Variants in TRAPPC4 observed in about 807,000 individuals in gnomAD.
TRAPPC4 encodes TRS23 homolog.
TRAPPC4 carries 30 observed loss-of-function variants against 23.5 expected under a neutral mutation model. The ratio of observed to expected loss-of-function variants is 1.28; its 90% CI spans 0.96 to 1.73. The LOEUF (loss-of-function observed/expected upper bound fraction) is 1.73, where lower values mean the gene tolerates loss of function less well. Ranked by LOEUF, TRAPPC4 falls within the 40% of genes most tolerant of loss-of-function variation. The pLI is 0.00. For synonymous variants in TRAPPC4, 129 were observed against 105.3 expected (o/e 1.23, Z -1.38); for missense variants, 252 against 268.9 (o/e 0.94, Z 0.44).
chr11:119,023,468 G>A lies in TRAPPC4; in HGVS notation c.*69G>A. 39 of 1,476,946 alleles carry A rather than the reference G, an allele frequency of 2.6e-5. No homozygotes were observed. In the Middle Eastern group the frequency reaches 5.2e-4, roughly 20 times the overall value. The allele number at this position is 1,476,946 out of a possible 1,614,324, so 91.5% of individuals were successfully genotyped here. ...CAAGAATACTGCTGTTGACACTCCA[G>A]TGGAAATCCCAGCAGCCTTGTTAGT... On this transcript the variant is annotated 3_prime_UTR_variant, in exon 5 of 5. Transcript: ENST00000533632.
At position 119,018,816 on chromosome 11, in the gene TRAPPC4, T is replaced by C. The variant is rs941058848; in HGVS notation, c.21T>C (p.Tyr7=). The change falls in exon 1 of 5, where the codon TAT becomes TAC. Residue 7 remains tyrosine, a synonymous_variant. Coordinates refer to ENST00000533632, the MANE Select transcript of TRAPPC4 (RefSeq NM_016146.6). MAIFSV[Y]VVNKAGGLIY... ...CAGCGATGGCGATTTTTAGTGTGTA[T>C]GTGGTGAACAAAGCTGGCGGCTTGA... is the stretch of plus-strand genomic sequence containing the variant. The C allele has an allele frequency of 3.1e-6, 5 of 1,614,016 alleles. No individual in the cohort carries two copies. The highest frequency in any genetic ancestry group is 2.2e-5 in the East Asian group (1 of 44,900).
intron 3 of TRAPPC4, chr11:119,020,822 C>T (rs1943338298): frequency 6.6e-6 from 1 of 152,160 alleles, no homozygotes; most frequent in East Asian, 1.9e-4. Context: ...TCTCCTGCCT[C>T]AGCCTCCCAA....
chr11:119,019,771 C>T (rs927063777), intron 2 of TRAPPC4: 4 of 200,066 alleles, frequency 2.0e-5, no homozygotes, highest in African/African-American at 9.4e-5. Context: ...GTCAACTTCT[C>T]TTCTCTGAGC....
At chr11:119,019,400 C>T in intron 2 of TRAPPC4, 83 bp downstream of exon 2, 2 of 1,423,314 alleles carry the variant, frequency 1.4e-6, no homozygotes, top group African/African-American at 1.4e-5. Context: ...ATGAAAAACG[C>T]AACCGATCCA....
intron 3 of TRAPPC4, 195 bp downstream of exon 3, chr11:119,020,448 T>G: frequency 3.9e-6 from 2 of 508,166 alleles, no homozygotes; most frequent in Non-Finnish European, 7.2e-6. Context: ...TTTGAAATGT[T>G]TCACTCTTGT....
In TRAPPC4 at chr11:119,020,063, T is replaced by C. The variant is rs150525926; in HGVS notation, c.351-87T>C. 67 of 877,640 alleles carry C rather than the reference T, an allele frequency of 7.6e-5. No homozygotes were observed. In the Middle Eastern group the frequency reaches 1.5e-3, roughly 19 times the overall value. 54.4% of individuals were successfully genotyped at this position (877,640 alleles called of 1,614,324 possible). On this transcript the variant is annotated intron_variant, in intron 2 of 4. Transcript: ENST00000533632. ...TTCTCCTGACTGTCCCAGGCTGTAA[T>C]GTGAACTCCTCAGCAAATAGGGACA...
intron 2 of TRAPPC4, chr11:119,019,746 G>A (rs1943289663): frequency 5.1e-6 from 1 of 194,272 alleles, no homozygotes; most frequent in Admixed American, 5.5e-5. Flanking sequence ...CGGCCGAGGT[G>A]TCATCTTACT....
intron 4 of TRAPPC4, among the ~76,000 whole-genome samples, chr11:119,022,627 C>T (rs1178972608): frequency 1.3e-5 from 2 of 151,812 alleles, no homozygotes; most frequent in Non-Finnish European, 2.9e-5. Flanking sequence ...CAGTGGCTCA[C>T]GCCTGTAATC....
rs1172797803 is a variant in TRAPPC4, at chr11:119,023,674, ATC to A, written c.*277_*278del. ...TATTCCTTTGATCTTGGTGTTTGCA[ATC>A]TGTCTTAATCGATGGTTTTGGGGGA... On this transcript the variant is annotated 3_prime_UTR_variant, in exon 5 of 5. Transcript: ENST00000533632. 7.5e-6 allele frequency: 2 copies of A among 267,272 alleles called. No individual in the cohort carries two copies. The highest frequency in any genetic ancestry group is 1.4e-5 in the Non-Finnish European group (2 of 141,030). 16.6% of individuals were successfully genotyped at this position (267,272 alleles called of 1,614,324 possible). A position where few individuals can be genotyped will look rare whatever the true frequency, so the allele number is the denominator to read the frequency against.
chr11:119,020,178 C>G lies in TRAPPC4; in HGVS notation c.379C>G (p.Pro127Ala), dbSNP rs1385742674. The part of the protein sequence containing the change: ...SLFAIGSQLS[P>A]EQGSSGIEML... ...CTTTGCCATCGGCTCCCAGCTGTCT[C>G]CTGAACAGGGAAGCTCAGGCATTGA... is the stretch of plus-strand genomic sequence containing the variant. The change falls in exon 3 of 5, where the codon CCT becomes GCT. Residue 127 changes from proline (P) to alanine (A), a missense_variant. This residue lies in a region of TRAPPC4 where 222 missense variants were observed against 217.8 expected (regional missense o/e 1.02). Coordinates refer to ENST00000533632, the MANE Select transcript of TRAPPC4 (RefSeq NM_016146.6). 1.2e-6 allele frequency: 2 copies of G among 1,613,830 alleles called. No homozygotes were observed. Among genetic ancestry groups the G allele is most frequent in the African/African-American group, 1.3e-5 (1 of 74,904 alleles).
chr11:119,019,059 GA>G, intron 1 of TRAPPC4, 83 bp from the exon 2 acceptor site: 1 of 1,589,400 alleles, frequency 6.3e-7, no homozygotes, highest in Non-Finnish European at 8.6e-7. Context: ...GGGGTTGGGG[GA>G]AAAGGGGTTG....
chr11:119,021,625 T>G, intron 3 of TRAPPC4, 135 bp from the exon 4 acceptor site: 2 of 942,922 alleles, frequency 2.1e-6, no homozygotes, highest in African/African-American at 1.7e-5. Context: ...CTTTCCTGCA[T>G]TATGTGGTAA....
chr11:119,022,230 T>C (rs12280288), intron 4 of TRAPPC4, among the ~76,000 whole-genome samples: 49,760 of 152,030 alleles, frequency 0.33, 9,799 homozygotes, highest in African/African-American at 0.55. Flanking sequence ...GTGATCCACC[T>C]GCCTTGGCCT....
chr11:119,022,765 C>T (rs1488125937), intron 4 of TRAPPC4, among the ~76,000 whole-genome samples: 1 of 140,350 alleles, frequency 7.1e-6, no homozygotes, highest in Non-Finnish European at 1.5e-5. Flanking sequence ...CAGGTGTGGT[C>T]GTGTGCACCT....
At chr11:119,020,426 ATTCT>A (rs782135207) in intron 3 of TRAPPC4, 173 bp downstream of exon 3, 542 of 553,700 alleles carry the variant, frequency 9.8e-4, no homozygotes, top group Non-Finnish European at 1.3e-3. Flanking sequence ...TCCTGGCACA[ATTCT>A]TTTTTTTTTT....
rs1336138208 is a variant in TRAPPC4, at chr11:119,023,506, G to A, written c.*107G>A. 4 of 1,038,068 alleles carry A rather than the reference G, an allele frequency of 3.9e-6. No homozygotes were observed. The East Asian group carries it at 7.2e-5, about 19-fold the overall frequency. 64.3% of individuals were successfully genotyped at this position (1,038,068 alleles called of 1,614,324 possible). A position where few individuals can be genotyped will look rare whatever the true frequency, so the allele number is the denominator to read the frequency against. On this transcript the variant is annotated 3_prime_UTR_variant, in exon 5 of 5. Coordinates refer to ENST00000533632, the MANE Select transcript of TRAPPC4 (RefSeq NM_016146.6). Reference sequence around the variant, plus strand: ...CAGCCTTGTTAGTGCACTTGAAAGTGGGAGAATGCTGACCCTGATGACTTG... The same window carrying A: ...CAGCCTTGTTAGTGCACTTGAAAGTAGGAGAATGCTGACCCTGATGACTTG...
intron 3 of TRAPPC4, chr11:119,021,519 G>T: frequency 2.7e-6 from 1 of 364,900 alleles, no homozygotes; most frequent in Non-Finnish European, 5.0e-6. Flanking sequence ...GTTAGTAAGT[G>T]GCAGAGCTAG....
At chr11:119,019,494 C>G (rs1023886846) in intron 2 of TRAPPC4, 177 bp downstream of exon 2, 1 of 657,994 alleles carries the variant, frequency 1.5e-6, no homozygotes, top group Admixed American at 3.0e-5. Context: ...CAGGCTGGAG[C>G]GCAGTGGCGG....
At chr11:119,020,063 T>A (rs150525926) in intron 2 of TRAPPC4, 87 bp from the exon 3 acceptor site, 1 of 877,522 alleles carries the variant, frequency 1.1e-6, no homozygotes, top group African/African-American at 1.6e-5. Flanking sequence ...CAGGCTGTAA[T>A]GTGAACTCCT....
Sources: gnomAD v4.1 joint callset for allele counts (sites outside exome capture counted in the v4.1 genomes callset) on GRCh38, gnomAD v4.1.1 for gene constraint, gnomAD v4.1.1 regional missense constraint, MANE v1.5 for transcripts, NCBI Gene and HGNC (gene_info 2026-07-23, HGNC 2026-07-21) for gene names.